Variants in COQ5 observed in about 807,000 individuals in gnomAD.
COQ5 encodes coenzyme Q5, methyltransferase.
In COQ5, 27 loss-of-function variants were observed where a neutral mutation model predicts 40.5. The ratio of observed to expected loss-of-function variants is 0.67; its 90% CI spans 0.49 to 0.92. The LOEUF (loss-of-function observed/expected upper bound fraction) is 0.92, where lower values mean the gene tolerates loss of function less well. Among genes scored for constraint, COQ5 ranks in the 40% least tolerant of loss-of-function variants. The pLI is 0.00. For missense variants in COQ5, 409 were observed against 406.4 expected, an observed-to-expected ratio of 1.01 and a Z score of -0.06; for synonymous variants, 141 against 150.0, an observed-to-expected ratio of 0.94 and a Z score of 0.44.
chr12:120,523,978 C>A, intron 1 of COQ5: 1 of 365,070 alleles, frequency 2.7e-6, no homozygotes, highest in South Asian at 1.9e-5. Context: ...CCACTGCATT[C>A]CAGCCTGGGC....
At chr12:120,514,860 C>T (rs1378346795) in intron 3 of COQ5, among the ~76,000 whole-genome samples, 1 of 152,038 alleles carries the variant, frequency 6.6e-6, no homozygotes, top group Admixed American at 6.6e-5. Flanking sequence ...ATGGCACCAT[C>T]TTGGTTCACC....
intron 1 of COQ5, among the ~76,000 whole-genome samples, chr12:120,527,572 T>C (rs1040337284): frequency 8.5e-5 from 13 of 152,162 alleles, no homozygotes; most frequent in African/African-American, 2.7e-4. Context: ...GCGAGGACTG[T>C]CTGTACTGCA....
chr12:120,511,108 T>C (rs1869117629), intron 3 of COQ5, among the ~76,000 whole-genome samples: 1 of 151,800 alleles, frequency 6.6e-6, no homozygotes, highest in Non-Finnish European at 1.5e-5. Context: ...ATACAAAAAA[T>C]TAGCCGGGCG....
chr12:120,510,267 T>C, intron 3 of COQ5, 144 bp from the exon 4 acceptor site: 3 of 696,614 alleles, frequency 4.3e-6, no homozygotes. Flanking sequence ...AGCTTCACCA[T>C]ATTCCTTATA....
chr12:120,508,567 T>A (rs930151569), intron 4 of COQ5, among the ~76,000 whole-genome samples: 2 of 152,154 alleles, frequency 1.3e-5, no homozygotes, highest in Non-Finnish European at 2.9e-5. Context: ...TATCAATTGG[T>A]TATTAGTTAT....
chr12:120,503,407 T>G lies in COQ5; in HGVS notation c.*377A>C. 2.7e-6 allele frequency: 1 copy of G among 373,520 alleles called. No homozygotes were observed. The highest frequency in any genetic ancestry group is 5.2e-6 in the Non-Finnish European group (1 of 191,904). The allele number at this position is 373,520 out of a possible 1,614,324, so 23.1% of individuals were successfully genotyped here. On this transcript the variant is annotated 3_prime_UTR_variant, in exon 7 of 7. Transcript: ENST00000288532. ...ACAATTAAATTTTCTGGTTAAAAAT[T>G]GTCATTGGGTTCAAATGATCTATCA...
At chr12:120,521,740 T>C (rs1869670202) in intron 2 of COQ5, among the ~76,000 whole-genome samples, 1 of 151,018 alleles carries the variant, frequency 6.6e-6, no homozygotes, top group Non-Finnish European at 1.5e-5. Flanking sequence ...TTCATGCCTG[T>C]AATCCCAGCA....
At chr12:120,504,508 A>G in intron 5 of COQ5, 1 of 287,688 alleles carries the variant, frequency 3.5e-6, no homozygotes, top group Non-Finnish European at 6.6e-6. Context: ...TCAGCCTCCC[A>G]AAGTGCTGGG....
intron 2 of COQ5, 29 bp from the exon 3 acceptor site, chr12:120,516,817 C>T (rs779555961): frequency 1.2e-5 from 19 of 1,571,398 alleles, no homozygotes; most frequent in Admixed American, 1.2e-4. Flanking sequence ...AGGAAAGATG[C>T]AGACTAAAAC....
intron 1 of COQ5, among the ~76,000 whole-genome samples, chr12:120,528,198 G>A (rs976115347): frequency 7.2e-6 from 1 of 138,092 alleles, no homozygotes; most frequent in African/African-American, 2.5e-5. Flanking sequence ...GCGAAACTCC[G>A]TCTCAAAATA....
At chr12:120,512,889 C>A (rs1318223804) in intron 3 of COQ5, among the ~76,000 whole-genome samples, 6 of 150,826 alleles carry the variant, frequency 4.0e-5, no homozygotes, top group African/African-American at 1.5e-4. Context: ...AAAACCCTAT[C>A]TCTAATAAAA....
intron 2 of COQ5, among the ~76,000 whole-genome samples, chr12:120,521,018 G>A (rs1869621393): frequency 6.6e-6 from 1 of 150,496 alleles, no homozygotes; most frequent in Non-Finnish European, 1.5e-5. Flanking sequence ...TTTAGATGGT[G>A]AAATGTCACT....
At position 120,514,325 on chromosome 12, in the gene COQ5, G is replaced by C. The variant is rs114818585; in HGVS notation, c.574+2242C>G. 5.5e-3 allele frequency among the ~76,000 whole-genome samples: 843 copies of C among 152,162 alleles called. 12 individuals carry two copies. The highest frequency in any genetic ancestry group is 0.019 in the African/African-American group (786 of 41,500). On this transcript the variant is annotated intron_variant, in intron 3 of 6. Coordinates refer to ENST00000288532, the MANE Select transcript of COQ5 (RefSeq NM_032314.4). The stretch of plus-strand genomic sequence containing the variant: ...TAAAATAACCATAGACACTCATGGT[G>C]GGGGAGGAGAAGGAGAGAAATGCTG...
chr12:120,503,796 G>A lies in COQ5; in HGVS notation c.972C>T (p.Gly324=). Residue 324 remains glycine (G), a synonymous_variant, in exon 7 of 7, where the codon GGC becomes GGT. Transcript: ENST00000288532. ...GATAGGAAAGGAATTAAAGTTTGAA[G>A]CCAGAATGAATGGCCACAATGCCTG... ...LTSGIVAIHS[G]FKL The A allele has an allele frequency of 1.2e-6, 2 of 1,613,322 alleles. No individual in the cohort carries two copies. The highest frequency in any genetic ancestry group is 1.7e-6 in the Non-Finnish European group (2 of 1,179,224).
At chr12:120,515,451 G>C (rs1832761194) in intron 3 of COQ5, among the ~76,000 whole-genome samples, 1 of 152,210 alleles carries the variant, frequency 6.6e-6, no homozygotes, top group South Asian at 2.1e-4. Flanking sequence ...ATCTCACAGA[G>C]ATAGGCATGC....
chr12:120,520,610 C>A (rs1167935178), intron 2 of COQ5, among the ~76,000 whole-genome samples: 1 of 151,850 alleles, frequency 6.6e-6, no homozygotes, highest in East Asian at 1.9e-4. Context: ...AGGCATGAGC[C>A]ACCACACCCC....
intron 3 of COQ5, among the ~76,000 whole-genome samples, chr12:120,512,950 C>T (rs897948667): frequency 2.0e-5 from 3 of 149,532 alleles, no homozygotes; most frequent in African/African-American, 7.5e-5. Context: ...CCTAGCTACT[C>T]ACCTGCCTGA....
chr12:120,507,080 C>T (rs1007625087), intron 4 of COQ5, among the ~76,000 whole-genome samples: 49 of 152,012 alleles, frequency 3.2e-4, no homozygotes, highest in African/African-American at 1.1e-3. Flanking sequence ...GTGATCTGCC[C>T]GCCTCGGCCT....
Position 120,516,897 on chromosome 12 carries a change from G to C in COQ5, c.353-109C>G, listed in dbSNP as rs891286815. 3 of 930,830 alleles carry C rather than the reference G, an allele frequency of 3.2e-6. No homozygotes were observed. In the African/African-American group the frequency reaches 4.9e-5, roughly 15 times the overall value. 57.7% of individuals were successfully genotyped at this position (930,830 alleles called of 1,614,324 possible). On this transcript the variant is annotated intron_variant, in intron 2 of 6. Coordinates refer to ENST00000288532, the MANE Select transcript of COQ5 (RefSeq NM_032314.4). ...GTAACAGAGGCACAGGAGTACCTGT[G>C]TTAGCTAACTGGATGCAGTGTGGCT...
Sources: allele counts gnomAD v4.1 joint callset (sites outside exome capture counted in the v4.1 genomes callset), GRCh38; gene constraint gnomAD v4.1.1; transcripts MANE v1.5; gene names NCBI Gene and HGNC (gene_info 2026-07-23, HGNC 2026-07-21).